TMEM132D: variants seen among roughly 807,000 people sequenced by gnomAD.
The protein encoded by TMEM132D is mature OL transmembrane protein.
In TMEM132D, 21 loss-of-function variants were observed where a neutral mutation model predicts 62.3. The ratio of observed to expected loss-of-function variants is 0.34; its 90% CI spans 0.24 to 0.49. TMEM132D has a LOEUF of 0.49. TMEM132D is among the 20% of genes least tolerant of loss of function. The probability of loss-of-function intolerance (pLI) is 0.99; values close to 1 mark genes in which losing one functional copy is unlikely to be tolerated. For synonymous variants in TMEM132D, 621 were observed against 575.6 expected, an observed-to-expected ratio of 1.08 and a Z score of -1.13; for missense variants, 1,346 against 1,402.8, an observed-to-expected ratio of 0.96 and a Z score of 0.65.
intron 1 of TMEM132D, among the ~76,000 whole-genome samples, chr12:129,895,535 T>A (rs569293057): frequency 1.3e-5 from 2 of 152,324 alleles, no homozygotes; most frequent in Middle Eastern, 3.4e-3. Context: ...CTCGGGCCAA[T>A]TGGGCTTCCT....
At chr12:129,404,416 C>T (rs753927127) in intron 3 of TMEM132D, among the ~76,000 whole-genome samples, 15 of 152,068 alleles carry the variant, frequency 9.9e-5, no homozygotes, top group Admixed American at 1.3e-4. Context: ...AGGCTGGTCT[C>T]GAACTCCTGA....
chr12:129,407,129 A>C (rs1015788813), intron 3 of TMEM132D, among the ~76,000 whole-genome samples: 2 of 152,250 alleles, frequency 1.3e-5, no homozygotes, highest in Admixed American at 6.5e-5. Context: ...TTGGACAATG[A>C]AGCTAAAATT....
intron 4 of TMEM132D, among the ~76,000 whole-genome samples, chr12:129,233,909 C>T (rs1879713402): frequency 6.6e-6 from 1 of 152,080 alleles, no homozygotes; most frequent in Non-Finnish European, 1.5e-5. Context: ...AAATCACAAC[C>T]TACCCAATTT....
intron 5 of TMEM132D, among the ~76,000 whole-genome samples, chr12:129,126,017 A>G (rs1876202839): frequency 6.6e-6 from 1 of 152,154 alleles, no homozygotes. Flanking sequence ...GGGGCCAGCT[A>G]TGCCCAACCT....
At chr12:129,298,898 G>C (rs1235365124) in intron 4 of TMEM132D, among the ~76,000 whole-genome samples, 1 of 152,188 alleles carries the variant, frequency 6.6e-6, no homozygotes, top group Non-Finnish European at 1.5e-5. Flanking sequence ...TAAATGTGCT[G>C]ACGATAAACC....
chr12:129,356,924 G>A (rs1386677301), intron 3 of TMEM132D, among the ~76,000 whole-genome samples: 1 of 137,828 alleles, frequency 7.3e-6, no homozygotes, highest in Non-Finnish European at 1.5e-5. Flanking sequence ...GGAAAGGAGA[G>A]GAGAGGAGAG....
chr12:129,774,305 G>A (rs988721978), intron 1 of TMEM132D, among the ~76,000 whole-genome samples: 5 of 151,984 alleles, frequency 3.3e-5, no homozygotes, highest in Admixed American at 1.3e-4. Context: ...TTCTCTTTAC[G>A]TCCTCATCTC....
At chr12:129,829,777 C>T (rs1242698838) in intron 1 of TMEM132D, among the ~76,000 whole-genome samples, 1 of 152,130 alleles carries the variant, frequency 6.6e-6, no homozygotes, top group Non-Finnish European at 1.5e-5. Context: ...TGATTCTCCA[C>T]ACTTCATCTG....
chr12:129,884,596 A>C (rs1377980858), intron 1 of TMEM132D, among the ~76,000 whole-genome samples: 1 of 152,262 alleles, frequency 6.6e-6, no homozygotes, highest in Non-Finnish European at 1.5e-5. Flanking sequence ...TGGCTACAAT[A>C]AAATTACAAT....
chr12:129,530,933 G>T, intron 3 of TMEM132D, 126 bp downstream of exon 3: 1 of 1,024,980 alleles, frequency 9.8e-7, no homozygotes, highest in Non-Finnish European at 1.4e-6. Flanking sequence ...GGCCCTGATA[G>T]AATAGACGAC....
chr12:129,733,074 T>C (rs1869302799), intron 1 of TMEM132D, among the ~76,000 whole-genome samples: 1 of 152,184 alleles, frequency 6.6e-6, no homozygotes, highest in Admixed American at 6.5e-5. Context: ...TCTGTGTCCT[T>C]TACCATAACA....
chr12:129,134,456 T>C (rs1457173045), intron 5 of TMEM132D, among the ~76,000 whole-genome samples: 1 of 152,150 alleles, frequency 6.6e-6, no homozygotes, highest in East Asian at 1.9e-4. Context: ...CTTTCTTATG[T>C]CAATATCCTC....
intron 5 of TMEM132D, among the ~76,000 whole-genome samples, chr12:129,142,002 AAT>A (rs1297525036): frequency 6.8e-6 from 1 of 147,668 alleles, no homozygotes; most frequent in African/African-American, 2.5e-5. Context: ...AACAATATTA[AAT>A]ATATATATAA....
intron 3 of TMEM132D, among the ~76,000 whole-genome samples, chr12:129,522,943 A>C (rs994578064): frequency 4.4e-5 from 4 of 90,488 alleles, no homozygotes; most frequent in South Asian, 3.2e-4. Flanking sequence ...ATATATGTAG[A>C]CATAGATTAT....
intron 4 of TMEM132D, among the ~76,000 whole-genome samples, chr12:129,224,787 C>G (rs752985519): frequency 6.6e-6 from 1 of 152,188 alleles, no homozygotes; most frequent in Middle Eastern, 3.4e-3. Flanking sequence ...GCCTGCAGTC[C>G]CAGCTACTCA....
chr12:129,594,866 G>A (rs770837965), intron 2 of TMEM132D, among the ~76,000 whole-genome samples: 8 of 152,208 alleles, frequency 5.3e-5, no homozygotes, highest in African/African-American at 1.4e-4. Context: ...TGGGACTACC[G>A]CTCAGTTTGT....
intron 1 of TMEM132D, among the ~76,000 whole-genome samples, chr12:129,702,111 A>T (rs978802094): frequency 1.3e-5 from 2 of 152,226 alleles, no homozygotes; most frequent in African/African-American, 4.8e-5. Flanking sequence ...CTAGACAAGA[A>T]GTTCAACGCA....
chr12:129,177,799 C>T (rs183218118), intron 5 of TMEM132D, among the ~76,000 whole-genome samples: 2 of 152,252 alleles, frequency 1.3e-5, no homozygotes, highest in East Asian at 3.9e-4. Context: ...GGTACATGTG[C>T]AGGATGTGCA....
chr12:129,356,931 A>AGAGGGGAGGAGAGGGGAGGG (rs1555250251), intron 3 of TMEM132D, among the ~76,000 whole-genome samples: 17 of 51,944 alleles, frequency 3.3e-4, no homozygotes, highest in East Asian at 1.5e-3. Flanking sequence ...AGAGGAGAGG[A>AGAGGGGAGGAGAGGGGAGGG]GAGGGGAGGG....
Sources: allele counts gnomAD v4.1 joint callset (sites outside exome capture counted in the v4.1 genomes callset), GRCh38; gene constraint gnomAD v4.1.1; transcripts MANE v1.5; gene names NCBI Gene and HGNC (gene_info 2026-07-23, HGNC 2026-07-21).